The following GLG1 variants were observed in gnomAD, a reference collection of about 807,000 sequenced individuals.
GLG1 encodes golgi glycoprotein 1, also known as Golgi apparatus protein 1.
GLG1 carries 38 observed loss-of-function variants against 160.5 expected under a neutral mutation model. The ratio of observed to expected loss-of-function variants is 0.24; its 90% CI spans 0.18 to 0.31. The LOEUF is 0.31. Among genes scored for constraint, GLG1 ranks in the 10% least tolerant of loss-of-function variants. The pLI, the probability that GLG1 is intolerant of heterozygous loss-of-function variation, is 1.00. For synonymous variants in GLG1, 644 were observed against 543.4 expected, an observed-to-expected ratio of 1.19 and a Z score of -2.57; for missense variants, 1,373 against 1,505.2, an observed-to-expected ratio of 0.91 and a Z score of 1.45.
chr16:74,540,306 A>T (rs1472878920), intron 1 of GLG1, among the ~76,000 whole-genome samples: 6 of 148,588 alleles, frequency 4.0e-5, no homozygotes, highest in African/African-American at 1.2e-4. Flanking sequence ...ATAAACTGTA[A>T]ATTTTATAAA....
chr16:74,554,196 A>G (rs1235127936), intron 1 of GLG1, among the ~76,000 whole-genome samples: 1 of 152,218 alleles, frequency 6.6e-6, no homozygotes, highest in Non-Finnish European at 1.5e-5. Context: ...ATTTATTTAA[A>G]CCCTACTTTG....
intron 1 of GLG1, among the ~76,000 whole-genome samples, chr16:74,600,744 A>C (rs955330214): frequency 4.0e-5 from 6 of 150,834 alleles, no homozygotes; most frequent in Admixed American, 6.6e-5. Flanking sequence ...AAAAAAAAAA[A>C]AAAAAAAAAA....
intron 1 of GLG1, among the ~76,000 whole-genome samples, chr16:74,604,453 C>A (rs1256670245): frequency 1.3e-5 from 2 of 152,202 alleles, no homozygotes; most frequent in Non-Finnish European, 2.9e-5. Flanking sequence ...CTGGAACCAT[C>A]CTCCAGTGAT....
In GLG1 at chr16:74,577,337, C is replaced by G. The variant is rs953780126; in HGVS notation, c.438+29320G>C. 2.6e-5 allele frequency among the ~76,000 whole-genome samples: 4 copies of G among 152,126 alleles called. 1 individual carries two copies. In the South Asian group the frequency reaches 8.3e-4, roughly 32 times the overall value. On this transcript the variant is annotated intron_variant, in intron 1 of 25. Coordinates refer to ENST00000422840, the MANE Select transcript of GLG1 (RefSeq NM_001145667.2). Reference sequence around the variant, plus strand: ...AGGAGTTCGAGATCAGGCTGGTCAACATGGTGAAACCCCATCTCTACTAAA... The same window carrying G: ...AGGAGTTCGAGATCAGGCTGGTCAAGATGGTGAAACCCCATCTCTACTAAA...
chr16:74,535,203 TCAAA>T (rs1167252313), intron 1 of GLG1, among the ~76,000 whole-genome samples: 1 of 152,116 alleles, frequency 6.6e-6, no homozygotes, highest in East Asian at 1.9e-4. Flanking sequence ...AATATATCTA[TCAAA>T]CAAATAAAAT....
At chr16:74,584,084 C>T (rs768887748) in intron 1 of GLG1, among the ~76,000 whole-genome samples, 5 of 152,068 alleles carry the variant, frequency 3.3e-5, no homozygotes, top group South Asian at 2.1e-4. Flanking sequence ...TTCAATTTTC[C>T]TCACTTCAAT....
In GLG1 at chr16:74,528,811, CAAAAA is replaced by C. The variant is rs35777516; in HGVS notation, c.471+3305_471+3309del. ...TCAGTGACAGAGCGAGATTCTGTCTCAAAAAAAAAAAAAAAAAAAAAAAAATTGTT... is the reference window on the plus strand; with the variant it reads ...TCAGTGACAGAGCGAGATTCTGTCTCAAAAAAAAAAAAAAAAAAAATTGTT... On this transcript the variant is annotated intron_variant, in intron 2 of 25. Transcript: ENST00000422840. Among the ~76,000 whole-genome samples, 19 of 62,800 alleles carry C rather than the reference CAAAAA, an allele frequency of 3.0e-4. 1 individual carries two copies. The highest frequency in any genetic ancestry group is 1.3e-3 in the East Asian group (2 of 1,512). 41.2% of individuals were successfully genotyped at this position (62,800 alleles called of 152,430 possible). A position where few individuals can be genotyped will look rare whatever the true frequency, so the allele number is the denominator to read the frequency against.
At chr16:74,454,671 A>ACCC (rs1567451809) in intron 25 of GLG1, among the ~76,000 whole-genome samples, 4 of 69,614 alleles carry the variant, frequency 5.7e-5, no homozygotes, top group African/African-American at 2.3e-4. Context: ...GTCCCCAAAA[A>ACCC]AAAAAAAAAA....
intron 11 of GLG1, among the ~76,000 whole-genome samples, chr16:74,479,593 G>A (rs2015525861): frequency 6.6e-6 from 1 of 152,136 alleles, no homozygotes; most frequent in Non-Finnish European, 1.5e-5. Flanking sequence ...AAGCTCAGAA[G>A]GGGTATTTCT....
chr16:74,472,688 A>C, intron 13 of GLG1: 1 of 640,714 alleles, frequency 1.6e-6, no homozygotes, highest in Non-Finnish European at 2.6e-6. Flanking sequence ...CACATGTAGC[A>C]ATAACATTAG....
At chr16:74,504,306 G>C (rs539713826) in intron 3 of GLG1, among the ~76,000 whole-genome samples, 1 of 152,216 alleles carries the variant, frequency 6.6e-6, no homozygotes, top group South Asian at 2.1e-4. Context: ...TTTATCTTTT[G>C]AGGCAGAGCC....
At chr16:74,587,251 T>C (rs1958075531) in intron 1 of GLG1, among the ~76,000 whole-genome samples, 1 of 152,108 alleles carries the variant, frequency 6.6e-6, no homozygotes, top group Non-Finnish European at 1.5e-5. Context: ...TAGCTTACTG[T>C]ATGGAAGTGG....
rs538941209 is a variant in GLG1 at position 74,491,234 on chromosome 16, C to CATAACATTACGAAGGGTGATGCT, written c.1235-42_1235-20dup. 2.6e-4 allele frequency: 403 copies of CATAACATTACGAAGGGTGATGCT among 1,554,570 alleles called. 6 individuals carry two copies. In the South Asian group the frequency reaches 4.4e-3, roughly 17 times the overall value. On this transcript the variant is annotated intron_variant, in intron 7 of 25. Coordinates refer to ENST00000422840, the MANE Select transcript of GLG1 (RefSeq NM_001145667.2). Reference sequence around the variant, plus strand: ...TGTCGCCCTAAGTTAGGATGTAAGTCATAACATTACGAAGGGTGATGCTAT... The same window carrying CATAACATTACGAAGGGTGATGCT: ...TGTCGCCCTAAGTTAGGATGTAAGTCATAACATTACGAAGGGTGATGCTATAACATTACGAAGGGTGATGCTAT...
intron 25 of GLG1, among the ~76,000 whole-genome samples, chr16:74,456,140 G>A (rs536185267): frequency 3.7e-4 from 56 of 152,288 alleles, no homozygotes; most frequent in African/African-American, 1.3e-3. Flanking sequence ...TCATAGGCGA[G>A]GCTGGATTTC....
At chr16:74,602,532 C>T (rs1197153672) in intron 1 of GLG1, among the ~76,000 whole-genome samples, 3 of 152,186 alleles carry the variant, frequency 2.0e-5, no homozygotes, top group Non-Finnish European at 2.9e-5. Flanking sequence ...GCCTGTAATC[C>T]CAGCACTTTG....
At chr16:74,601,906 TC>T (rs1958447858) in intron 1 of GLG1, among the ~76,000 whole-genome samples, 1 of 152,186 alleles carries the variant, frequency 6.6e-6, no homozygotes, top group African/African-American at 2.4e-5. Flanking sequence ...GAACACCAGC[TC>T]TACCACTTAG....
rs148057697 is a variant in GLG1 at position 74,579,738 on chromosome 16, A to G, written c.438+26919T>C. On this transcript the variant is annotated intron_variant, in intron 1 of 25. Transcript: ENST00000422840. ...CAGTCTCAAAAACAAAAAACAAAAC[A>G]AAACAAAAAACCCTCAAGAGATCTT... 5.2e-3 allele frequency among the ~76,000 whole-genome samples: 783 copies of G among 150,068 alleles called. 2 individuals are homozygous for G. The highest frequency in any genetic ancestry group is 8.6e-3 in the Non-Finnish European group (579 of 67,634).
chr16:74,491,609 T>C (rs2015988265), intron 7 of GLG1, among the ~76,000 whole-genome samples: 1 of 152,106 alleles, frequency 6.6e-6, no homozygotes, highest in Non-Finnish European at 1.5e-5. Flanking sequence ...CCCAACTTCT[T>C]TGAGCTGTAA....
At chr16:74,484,852 A>C (rs960404255) in intron 9 of GLG1, among the ~76,000 whole-genome samples, 1 of 151,978 alleles carries the variant, frequency 6.6e-6, no homozygotes, top group African/African-American at 2.4e-5. Context: ...TCTGGACCTC[A>C]CGTGATCCGC....
Sources: gnomAD v4.1 joint callset for allele counts (sites outside exome capture counted in the v4.1 genomes callset) on GRCh38, gnomAD v4.1.1 for gene constraint, MANE v1.5 for transcripts, NCBI Gene and HGNC (gene_info 2026-07-23, HGNC 2026-07-21) for gene names.